Variants in EPHA6 observed in about 807,000 individuals in gnomAD.
EPHA6 encodes the protein ephrin type-A receptor 6.
Under a neutral mutation model 112.0 loss-of-function variants are expected in EPHA6, and 50 were observed. The observed-to-expected ratio is 0.45, with a 90% CI of 0.36 to 0.56. The LOEUF (loss-of-function observed/expected upper bound fraction) is 0.56. Among genes scored for constraint, EPHA6 ranks in the 20% least tolerant of loss-of-function variants. The probability of loss-of-function intolerance (pLI) is 0.00; values close to 1 mark genes in which losing one functional copy is unlikely to be tolerated. For synonymous variants in EPHA6, 529 were observed against 490.7 expected (o/e 1.08, Z -1.03); for missense variants, 1,280 against 1,417.4 (o/e 0.90, Z 1.56).
intron 11 of EPHA6, among the ~76,000 whole-genome samples, chr3:97,533,797 G>A (rs1464700694): frequency 1.3e-5 from 2 of 152,058 alleles, no homozygotes; most frequent in Non-Finnish European, 1.5e-5. Context: ...AGAGAACTGA[G>A]GTGATTCAGC....
In EPHA6 at chr3:97,243,991, A is replaced by G. The variant is rs917730920; in HGVS notation, c.1310A>G (p.Asn437Ser). Residue 437 changes from asparagine to serine, a missense_variant, in exon 5 of 18, where the codon AAT becomes AGT. Coordinates refer to ENST00000389672, the MANE Select transcript of EPHA6 (RefSeq NM_001080448.3). ...CCTAGGAATGTGGTTTTTAACATCA[A>G]TGAAACAGCCCTTATTTTGGAATGG... ...SAPRNVVFNINETALILEWSP... is the reference protein window; with the variant it reads ...SAPRNVVFNISETALILEWSP... The G allele has an allele frequency of 6.2e-7, 1 of 1,611,848 alleles. No homozygotes were observed. Among genetic ancestry groups the G allele is most frequent in the Non-Finnish European group, 8.5e-7 (1 of 1,178,718 alleles).
At chr3:97,544,832 G>A (rs2092921895) in intron 11 of EPHA6, among the ~76,000 whole-genome samples, 1 of 152,164 alleles carries the variant, frequency 6.6e-6, no homozygotes, top group Admixed American at 6.5e-5. Flanking sequence ...GGATGTATGT[G>A]TCGAGGAATT....
At chr3:97,692,553 C>T (rs2032738833) in intron 14 of EPHA6, among the ~76,000 whole-genome samples, 2 of 152,160 alleles carry the variant, frequency 1.3e-5, no homozygotes, top group African/African-American at 4.8e-5. Flanking sequence ...TCCTCAGCTA[C>T]CTCAGGAGTC....
intron 1 of EPHA6, among the ~76,000 whole-genome samples, chr3:96,866,216 T>G (rs2036300767): frequency 6.6e-6 from 1 of 152,088 alleles, no homozygotes; most frequent in African/African-American, 2.4e-5. Flanking sequence ...TGTTTACATG[T>G]CTGCTTTTTT....
chr3:97,713,871 C>A (rs2034095582), intron 14 of EPHA6, among the ~76,000 whole-genome samples: 1 of 152,160 alleles, frequency 6.6e-6, no homozygotes, highest in Non-Finnish European at 1.5e-5. Context: ...CAGAATTCTA[C>A]CTGTGAAATA....
chr3:97,573,692 G>C (rs2093356211), intron 11 of EPHA6, among the ~76,000 whole-genome samples: 1 of 151,962 alleles, frequency 6.6e-6, no homozygotes, highest in African/African-American at 2.4e-5. Context: ...TAAAATAAGT[G>C]TCTGATAGAT....
In EPHA6 at chr3:97,197,945, T is replaced by A. The variant is rs189888700; in HGVS notation, c.1115-28319T>A. On this transcript the variant is annotated intron_variant, in intron 3 of 17. Transcript: ENST00000389672. ...TTATCTCCTGCATTGCTTTCTACTG[T>A]GACAGGCAGCACTGAGTTCCACTGC... Among the ~76,000 whole-genome samples the A allele has an allele frequency of 2.0e-5, 3 of 152,200 alleles. No individual in the cohort carries two copies. The East Asian group carries it at 5.8e-4, about 30-fold the overall frequency.
chr3:96,826,931 T>A (rs1292380884), intron 1 of EPHA6, among the ~76,000 whole-genome samples: 1 of 152,088 alleles, frequency 6.6e-6, no homozygotes, highest in Non-Finnish European at 1.5e-5. Flanking sequence ...TGATAATAGG[T>A]CAGTTGTACA....
At chr3:97,647,175 G>T (rs1003500948) in intron 14 of EPHA6, among the ~76,000 whole-genome samples, 1 of 152,112 alleles carries the variant, frequency 6.6e-6, no homozygotes, top group Non-Finnish European at 1.5e-5. Flanking sequence ...AGCAAAGAGA[G>T]CTGGGTTGGT....
At chr3:97,265,506 C>G (rs1336263024) in intron 5 of EPHA6, among the ~76,000 whole-genome samples, 1 of 152,206 alleles carries the variant, frequency 6.6e-6, no homozygotes, top group Non-Finnish European at 1.5e-5. Flanking sequence ...CTGGGCTCAG[C>G]CCCAGCCCTC....
chr3:97,589,146 A>T (rs1260498749), intron 11 of EPHA6, among the ~76,000 whole-genome samples: 5 of 148,730 alleles, frequency 3.4e-5, no homozygotes, highest in Admixed American at 2.0e-4. Context: ...TTGTATTGCG[A>T]TTTTTTCTTT....
chr3:97,178,397 G>A (rs116144731), intron 3 of EPHA6, among the ~76,000 whole-genome samples: 1,845 of 152,142 alleles, frequency 0.012, 30 homozygotes, highest in African/African-American at 0.041. Flanking sequence ...CACCATTGCA[G>A]TGTTATAACA....
chr3:97,612,438 G>C, intron 13 of EPHA6: 1 of 401,498 alleles, frequency 2.5e-6, no homozygotes. Flanking sequence ...CTAAATTGCT[G>C]CTAAAAATGG....
chr3:97,734,568 A>T (rs548429487), intron 15 of EPHA6, among the ~76,000 whole-genome samples: 1 of 152,102 alleles, frequency 6.6e-6, no homozygotes, highest in Non-Finnish European at 1.5e-5. Context: ...TTACTAAAAA[A>T]GCTAAAACTT....
intron 3 of EPHA6, among the ~76,000 whole-genome samples, chr3:97,120,655 C>G (rs2048016598): frequency 6.6e-6 from 1 of 151,766 alleles, no homozygotes; most frequent in African/African-American, 2.4e-5. Flanking sequence ...TTATGTTTGT[C>G]TCATAGCTTA....
At chr3:97,149,709 A>G (rs917329429) in intron 3 of EPHA6, among the ~76,000 whole-genome samples, 6 of 151,868 alleles carry the variant, frequency 4.0e-5, no homozygotes, top group African/African-American at 1.4e-4. Flanking sequence ...GAAATATGTA[A>G]AAGTAAAATC....
chr3:97,520,061 G>A (rs1375560904), intron 10 of EPHA6, among the ~76,000 whole-genome samples: 14 of 150,176 alleles, frequency 9.3e-5, no homozygotes, highest in Admixed American at 4.0e-4. Context: ...TCTGCCTCCC[G>A]GGTTCATGCC....
chr3:97,202,590 T>G (rs982348695), intron 3 of EPHA6, among the ~76,000 whole-genome samples: 1 of 152,100 alleles, frequency 6.6e-6, no homozygotes, highest in South Asian at 2.1e-4. Flanking sequence ...CACCTCAGCC[T>G]CCCAAATTGC....
intron 16 of EPHA6, among the ~76,000 whole-genome samples, chr3:97,738,523 G>T (rs1039713195): frequency 1.3e-5 from 2 of 152,030 alleles, no homozygotes; most frequent in African/African-American, 4.8e-5. Context: ...CATCATATTT[G>T]GAAAATATTG....
Sources: allele counts gnomAD v4.1 joint callset (sites outside exome capture counted in the v4.1 genomes callset), GRCh38; gene constraint gnomAD v4.1.1; transcripts MANE v1.5; gene names NCBI Gene and HGNC (gene_info 2026-07-23, HGNC 2026-07-21).